Variants in USP9X observed in about 807,000 individuals in gnomAD.
USP9X encodes ubiquitin specific peptidase 9 X-linked.
USP9X carries 7 observed loss-of-function variants against 190.3 expected under a neutral mutation model. The observed-to-expected ratio is 0.04, with a 90% CI of 0.02 to 0.07. USP9X has a LOEUF of 0.07. Ranked by LOEUF, USP9X falls within the 10% of genes least tolerant of loss-of-function variation. The pLI, the probability that USP9X is intolerant of heterozygous loss-of-function variation, is 1.00. For synonymous variants in USP9X, 645 were observed against 659.5 expected, an observed-to-expected ratio of 0.98 and a Z score of 0.34; for missense variants, 1,010 against 1,916.9, an observed-to-expected ratio of 0.53 and a Z score of 8.83.
Position 41,217,252 on chromosome X carries a change from A to G in USP9X, c.6118A>G (p.Ile2040Val). ...TCACCTGTTGCCTGAAGCAGAAGAA[A>G]TCACTATGATCAGTATTCAACTTGC... ...QDHLLPEAEE[I>V]TMISIQLAAR... Residue 2040 changes from isoleucine (I) to valine (V), a missense_variant, in exon 36 of 45, where the codon ATC (isoleucine) becomes GTC (valine). Ile to Val is a conservative substitution (Grantham distance 29). This residue lies in a region of USP9X where 121 missense variants were observed against 281.2 expected (regional missense o/e 0.43). Coordinates refer to ENST00000378308, the MANE Select transcript of USP9X (RefSeq NM_001039591.3). 4 of 1,207,980 alleles carry G rather than the reference A, an allele frequency of 3.3e-6. No individual in the cohort carries two copies. Among genetic ancestry groups the G allele is most frequent in the Non-Finnish European group, 4.5e-6 (4 of 893,925 alleles).
chrX:41,134,877 A>G, intron 5 of USP9X, 40 bp downstream of exon 5: 1 of 1,032,605 alleles, frequency 9.7e-7, no homozygotes. Context: ...AGATTTACAT[A>G]GTGATGCCTG....
intron 14 of USP9X, among the ~76,000 whole-genome samples, chrX:41,159,255 T>A (rs762526147): frequency 8.9e-6 from 1 of 111,895 alleles, no homozygotes; most frequent in Admixed American, 9.5e-5. Context: ...AGTGAGATAA[T>A]GCTACTTCAT....
intron 1 of USP9X, among the ~76,000 whole-genome samples, chrX:41,087,023 A>G (rs2061918638): frequency 1.8e-5 from 2 of 112,428 alleles, no homozygotes; most frequent in Admixed American, 9.4e-5. Flanking sequence ...AGAATTTGCA[A>G]AATTTCTAGT....
intron 1 of USP9X, among the ~76,000 whole-genome samples, chrX:41,103,550 C>T (rs1369996147): frequency 8.9e-6 from 1 of 111,900 alleles, no homozygotes; most frequent in Non-Finnish European, 1.9e-5. Context: ...CATGCCTTAG[C>T]ATTCAGTAAT....
chrX:41,100,866 C>G (rs1049255308), intron 1 of USP9X, among the ~76,000 whole-genome samples: 1 of 110,215 alleles, frequency 9.1e-6, no homozygotes, highest in Admixed American at 9.7e-5. Flanking sequence ...AGGCAGGTCT[C>G]GAACTCCTGA....
At chrX:41,217,394 C>T in intron 36 of USP9X, 51 bp downstream of exon 36, 5 of 1,133,920 alleles carry the variant, frequency 4.4e-6, no homozygotes, top group Non-Finnish European at 5.9e-6. Context: ...TGGTTTGCTT[C>T]TTTAATAGAT....
At chrX:41,191,323 C>G (rs1383165127) in intron 26 of USP9X, among the ~76,000 whole-genome samples, 1 of 74,290 alleles carries the variant, frequency 1.3e-5, no homozygotes, top group African/African-American at 5.4e-5. Context: ...GAGTGAAACT[C>G]CATGTCAAAA....
intron 22 of USP9X, 67 bp downstream of exon 22, chrX:41,184,195 C>T (rs2062852994): frequency 9.0e-7 from 1 of 1,109,388 alleles, no homozygotes; most frequent in Non-Finnish European, 1.2e-6. Context: ...ATTCTGTGTT[C>T]TTTAAATTTG....
At chrX:41,155,001 A>G (rs1740214808) in intron 14 of USP9X, among the ~76,000 whole-genome samples, 1 of 111,978 alleles carries the variant, frequency 8.9e-6, no homozygotes, top group Non-Finnish European at 1.9e-5. Context: ...TAAATTTGCA[A>G]TTCTAAAGTT....
Position 41,136,691 on chromosome X carries a change from T to G in USP9X, c.436-113T>G, listed in dbSNP as rs998371114. On this transcript the variant is annotated intron_variant, in intron 5 of 44. Transcript: ENST00000378308. ...TCAGTTTGATCCCAATATTAATGAT[T>G]AGAAAAATGGAGAGATCGTTATTTG... 35 of 534,669 alleles carry G rather than the reference T, an allele frequency of 6.5e-5. 1 individual carries two copies. Among genetic ancestry groups the G allele is most frequent in the Non-Finnish European group, 1.1e-4 (35 of 327,832 alleles). 44.1% of individuals were successfully genotyped at this position (534,669 alleles called of 1,213,427 possible).
intron 17 of USP9X, 43 bp downstream of exon 17, chrX:41,167,620 C>A (rs765178607): frequency 8.1e-6 from 8 of 987,726 alleles, no homozygotes; most frequent in African/African-American, 1.9e-5. Flanking sequence ...ATAATTCTTT[C>A]GGCCCCCATT....
chrX:41,110,240 A>C lies in USP9X; in HGVS notation c.-158-13231A>C, dbSNP rs372102860. Among the ~76,000 whole-genome samples the C allele has an allele frequency of 1.5e-4, 17 of 112,219 alleles. No individual in the cohort carries two copies. The East Asian group carries it at 3.9e-3, about 26-fold the overall frequency. Reference sequence around the variant, plus strand: ...GCACCACCACAGCCAGCTAATTTTTATAACATGATTTTTTATTCCATATAT... The same window carrying C: ...GCACCACCACAGCCAGCTAATTTTTCTAACATGATTTTTTATTCCATATAT... On this transcript the variant is annotated intron_variant, in intron 1 of 44. Transcript: ENST00000378308.
rs374478105 is a variant in USP9X at position 41,152,941 on chromosome X, G to A, written c.1764-7G>A. On this transcript the variant is annotated splice_region_variant and splice_polypyrimidine_tract_variant and intron_variant, in intron 13 of 44. Coordinates refer to ENST00000378308, the MANE Select transcript of USP9X (RefSeq NM_001039591.3). ...CTAATTATATTGTTAAGTTCTTCTC[G>A]TTTCAGTCAAACTCAGCGAAGTCCC... 4.1e-6 allele frequency: 5 copies of A among 1,205,206 alleles called. No individual in the cohort carries two copies. The highest frequency in any genetic ancestry group is 5.6e-6 in the Non-Finnish European group (5 of 892,166).
At chrX:41,147,754 G>T (rs934156908) in intron 11 of USP9X, among the ~76,000 whole-genome samples, 2 of 112,117 alleles carry the variant, frequency 1.8e-5, no homozygotes, top group African/African-American at 6.5e-5. Flanking sequence ...TGCCCGGTCA[G>T]CTTAATCGTT....
At chrX:41,152,171 A>C (rs990286229) in intron 13 of USP9X, among the ~76,000 whole-genome samples, 2 of 112,178 alleles carry the variant, frequency 1.8e-5, no homozygotes, top group Non-Finnish European at 3.8e-5. Flanking sequence ...AAAATTAGCA[A>C]ATTGGAAAAG....
intron 25 of USP9X, among the ~76,000 whole-genome samples, chrX:41,188,785 T>TA (rs1440702987): frequency 8.9e-6 from 1 of 112,177 alleles, no homozygotes; most frequent in Non-Finnish European, 1.9e-5. Flanking sequence ...ACTGAATACT[T>TA]ATTCTGTTTC....
chrX:41,192,834 TATATC>T (rs1470435572), intron 26 of USP9X, among the ~76,000 whole-genome samples: 1 of 111,241 alleles, frequency 9.0e-6, no homozygotes, highest in African/African-American at 3.3e-5. Flanking sequence ...ATACGAGAAG[TATATC>T]AGATAGGAAT....
intron 26 of USP9X, among the ~76,000 whole-genome samples, chrX:41,194,384 G>A (rs893278640): frequency 1.2e-4 from 13 of 110,890 alleles, no homozygotes; most frequent in African/African-American, 3.3e-4. Flanking sequence ...GAAAAACGCC[G>A]TCTCTACTAA....
At chrX:41,111,287 A>C (rs181876225) in intron 1 of USP9X, among the ~76,000 whole-genome samples, 2 of 111,739 alleles carry the variant, frequency 1.8e-5, no homozygotes, top group Non-Finnish European at 3.8e-5. Flanking sequence ...GAAGATTGCT[A>C]TCTGTAAACC....
Sources: allele counts gnomAD v4.1 joint callset (sites outside exome capture counted in the v4.1 genomes callset), GRCh38; gene constraint gnomAD v4.1.1; regional missense constraint gnomAD v4.1.1; transcripts MANE v1.5; gene names NCBI Gene and HGNC (gene_info 2026-07-23, HGNC 2026-07-21).